Variants in M1AP observed in about 807,000 individuals in gnomAD.
The protein encoded by M1AP is meiosis 1 arrest protein.
A neutral mutation model predicts 51.2 loss-of-function variants in M1AP; 39 were observed. The observed-to-expected ratio is 0.76, with a 90% CI of 0.59 to 1.00. The LOEUF (loss-of-function observed/expected upper bound fraction) is 1.00, where lower values mean the gene tolerates loss of function less well. M1AP is among the 50% of genes least tolerant of loss of function. The probability of loss-of-function intolerance (pLI) is 0.00; values close to 1 mark genes in which losing one functional copy is unlikely to be tolerated. For synonymous variants in M1AP, 251 were observed against 249.2 expected, an observed-to-expected ratio of 1.01 and a Z score of -0.07; for missense variants, 545 against 641.2, an observed-to-expected ratio of 0.85 and a Z score of 1.62.
chr2:74,647,487 T>C, intron 1 of M1AP: 4 of 777,690 alleles, frequency 5.1e-6, no homozygotes, highest in Non-Finnish European at 4.7e-6. Context: ...AAAAAAAGAT[T>C]AAAAGAAGTT....
chr2:74,613,225 CAT>C (rs1432074675), intron 3 of M1AP, among the ~76,000 whole-genome samples: 2 of 152,120 alleles, frequency 1.3e-5, no homozygotes, highest in African/African-American at 2.4e-5. Context: ...GCATATTAAT[CAT>C]AGTTGCTTTA....
In M1AP at chr2:74,607,640, A is replaced by AT. The variant is rs749738643; in HGVS notation, c.427-418dup. Reference sequence around the variant, plus strand: ...AGGCACGTGCCACCACACCCGGGTAATTTTTTTTGTATTTTTAGTAGAACG... The same window carrying AT: ...AGGCACGTGCCACCACACCCGGGTAATTTTTTTTTGTATTTTTAGTAGAACG... On this transcript the variant is annotated intron_variant, in intron 3 of 10. Transcript: ENST00000421985. Among the ~76,000 whole-genome samples, 211 of 151,626 alleles carry AT rather than the reference A, an allele frequency of 1.4e-3. 2 individuals carry two copies. Among genetic ancestry groups the AT allele is most frequent in the Non-Finnish European group, 2.3e-3 (157 of 67,848 alleles).
chr2:74,645,725 A>AGTAG (rs1683571065), intron 1 of M1AP, among the ~76,000 whole-genome samples: 1 of 152,222 alleles, frequency 6.6e-6, no homozygotes, highest in Non-Finnish European at 1.5e-5. Flanking sequence ...CTGAGCTGCT[A>AGTAG]TTCTGGGCAC....
At chr2:74,628,715 A>G in intron 2 of M1AP, 1 of 626,130 alleles carries the variant, frequency 1.6e-6, no homozygotes, top group South Asian at 1.4e-5. Flanking sequence ...TTGCTGCCCA[A>G]AAGTCACATG....
At chr2:74,573,893 T>C (rs11887405) in intron 7 of M1AP, among the ~76,000 whole-genome samples, 16,960 of 152,194 alleles carry the variant, frequency 0.11, 1,376 homozygotes, top group East Asian at 0.37. Context: ...TAAGAATGTA[T>C]TGAAGCCACC....
chr2:74,573,445 C>T (rs542166641), intron 7 of M1AP, among the ~76,000 whole-genome samples: 3 of 152,216 alleles, frequency 2.0e-5, no homozygotes, highest in African/African-American at 7.2e-5. Flanking sequence ...CTCTGCCTCC[C>T]GGGTTCAAGT....
intron 4 of M1AP, among the ~76,000 whole-genome samples, chr2:74,591,887 G>A (rs1680060383): frequency 6.6e-6 from 1 of 152,158 alleles, no homozygotes; most frequent in Admixed American, 6.5e-5. Flanking sequence ...CCAGGTTCAA[G>A]TGATTGTCCT....
chr2:74,640,050 T>G lies in M1AP; in HGVS notation c.226A>C (p.Ile76Leu). 3.1e-6 allele frequency: 5 copies of G among 1,614,090 alleles called. No individual in the cohort carries two copies. The highest frequency in any genetic ancestry group is 3.4e-6 in the Non-Finnish European group (4 of 1,179,934). The change falls in exon 2 of 11, where the codon ATC becomes CTC. Residue 76 changes from isoleucine to leucine, a missense_variant. Transcript: ENST00000421985. ...GATATACTTACCACAAAAGGGAGGA[T>G]GCACTCATGCTGATCTTGTACCATG... ...LYMVQDQHECILPFVQVKGNF... is the reference protein window; with the variant it reads ...LYMVQDQHECLLPFVQVKGNF...
chr2:74,621,261 G>A (rs1004809323), intron 2 of M1AP, among the ~76,000 whole-genome samples: 6 of 150,622 alleles, frequency 4.0e-5, no homozygotes, highest in African/African-American at 1.5e-4. Flanking sequence ...CAGCCTGGGC[G>A]ACAGAGCGAG....
At chr2:74,648,077 A>T (rs939151808) in intron 1 of M1AP, 188 bp downstream of exon 1, 2 of 985,328 alleles carry the variant, frequency 2.0e-6, no homozygotes, top group African/African-American at 1.7e-5. Context: ...CAGTATGCGG[A>T]GGGATGACTC....
chr2:74,628,673 T>C (rs547174406), intron 2 of M1AP: 174 of 699,050 alleles, frequency 2.5e-4, no homozygotes, highest in Middle Eastern at 8.5e-4. Flanking sequence ...TCCACCAACA[T>C]AGGCCAACCA....
At chr2:74,637,484 T>C (rs1183840399) in intron 2 of M1AP, among the ~76,000 whole-genome samples, 1 of 152,248 alleles carries the variant, frequency 6.6e-6, no homozygotes, top group Non-Finnish European at 1.5e-5. Flanking sequence ...TAAGTTTTGA[T>C]TGAATGTCAG....
intron 4 of M1AP, among the ~76,000 whole-genome samples, chr2:74,588,742 C>T (rs1028397914): frequency 2.0e-5 from 3 of 152,192 alleles, no homozygotes; most frequent in Non-Finnish European, 4.4e-5. Flanking sequence ...TTCCTGGAGC[C>T]CCAGTCTGTA....
intron 5 of M1AP, among the ~76,000 whole-genome samples, chr2:74,578,701 T>C (rs1331136837): frequency 6.6e-6 from 1 of 152,042 alleles, no homozygotes; most frequent in Non-Finnish European, 1.5e-5. Context: ...GGAACGCCTT[T>C]CTAAGGGAAG....
intron 3 of M1AP, among the ~76,000 whole-genome samples, chr2:74,609,198 C>T (rs1166979892): frequency 3.3e-5 from 5 of 152,078 alleles, no homozygotes; most frequent in African/African-American, 1.2e-4. Context: ...TGGCCAACCT[C>T]TCCTCATGCA....
At chr2:74,586,990 G>C (rs759400770) in intron 4 of M1AP, among the ~76,000 whole-genome samples, 12 of 144,402 alleles carry the variant, frequency 8.3e-5, no homozygotes, top group Non-Finnish European at 1.7e-4. Flanking sequence ...CAACAAGAGC[G>C]AAACTCCATT....
At chr2:74,624,528 A>C (rs1204780228) in intron 2 of M1AP, among the ~76,000 whole-genome samples, 2 of 152,174 alleles carry the variant, frequency 1.3e-5, no homozygotes, top group African/African-American at 2.4e-5. Context: ...CAGTTTAGGG[A>C]GGGGATTAAA....
At chr2:74,568,399 C>G (rs1234151064) in intron 7 of M1AP, among the ~76,000 whole-genome samples, 1 of 152,176 alleles carries the variant, frequency 6.6e-6, no homozygotes, top group Non-Finnish European at 1.5e-5. Context: ...GGTAGCTAAG[C>G]CTCTGGAGAA....
chr2:74,577,099 G>A (rs1252866566), intron 5 of M1AP, among the ~76,000 whole-genome samples: 1 of 152,220 alleles, frequency 6.6e-6, no homozygotes, highest in East Asian at 1.9e-4. Context: ...GAGCAGTAAA[G>A]CAGAAGTCAG....
Sources: allele counts gnomAD v4.1 joint callset (sites outside exome capture counted in the v4.1 genomes callset), GRCh38; gene constraint gnomAD v4.1.1; transcripts MANE v1.5; gene names NCBI Gene and HGNC (gene_info 2026-07-23, HGNC 2026-07-21).